MTREX: variants seen among roughly 807,000 people sequenced by gnomAD.
MTREX encodes the protein exosome RNA helicase MTR4.
A neutral mutation model predicts 135.4 loss-of-function variants in MTREX; 76 were observed. That is an observed-to-expected ratio of 0.56 (90% CI 0.47 to 0.68). The LOEUF (loss-of-function observed/expected upper bound fraction) is 0.68, where lower values mean the gene tolerates loss of function less well. MTREX is among the 30% of genes least tolerant of loss of function. The probability of loss-of-function intolerance (pLI) is 0.00; values close to 1 mark genes in which losing one functional copy is unlikely to be tolerated. For synonymous variants in MTREX, 404 were observed against 401.6 expected, an observed-to-expected ratio of 1.01 and a Z score of -0.07; for missense variants, 920 against 1,262.1, an observed-to-expected ratio of 0.73 and a Z score of 4.11.
At chr5:55,346,723 A>G (rs1413173867) in intron 10 of MTREX, among the ~76,000 whole-genome samples, 1 of 152,184 alleles carries the variant, frequency 6.6e-6, no homozygotes, top group African/African-American at 2.4e-5. Context: ...CTTATCAGAT[A>G]GATGATTTGC....
intron 19 of MTREX, among the ~76,000 whole-genome samples, chr5:55,396,411 A>G (rs1437115669): frequency 6.6e-6 from 1 of 152,116 alleles, no homozygotes; most frequent in African/African-American, 2.4e-5. Context: ...CTTGTTCTTA[A>G]CATATACATG....
chr5:55,364,145 G>A (rs967242428), intron 15 of MTREX, among the ~76,000 whole-genome samples: 3 of 152,150 alleles, frequency 2.0e-5, no homozygotes, highest in East Asian at 1.9e-4. Flanking sequence ...AAGAAAGAAT[G>A]ATACTTTAGG....
rs549569493 is a variant in MTREX at position 55,379,207 on chromosome 5, T to C, written c.2052+12T>C. 7.3e-5 allele frequency: 109 copies of C among 1,489,712 alleles called. No homozygotes were observed. The highest frequency in any genetic ancestry group is 9.3e-5 in the Non-Finnish European group (100 of 1,071,796). 92.3% of individuals were successfully genotyped at this position (1,489,712 alleles called of 1,614,324 possible). A position where few individuals can be genotyped will look rare whatever the true frequency, so the allele number is the denominator to read the frequency against. ...AGTCAAATGTTAAGGTAAACTATTA[T>C]CTTTAAATTAGAATTGTATATCAAT... On this transcript the variant is annotated intron_variant, in intron 18 of 26. Coordinates refer to ENST00000230640, the MANE Select transcript of MTREX (RefSeq NM_015360.5).
chr5:55,362,697 G>A (rs1008047094), intron 15 of MTREX, among the ~76,000 whole-genome samples: 45 of 152,108 alleles, frequency 3.0e-4, no homozygotes, highest in African/African-American at 1.1e-3. Context: ...TTGATTACTT[G>A]ATATGAGCTA....
At chr5:55,396,335 C>A (rs971291335) in intron 19 of MTREX, among the ~76,000 whole-genome samples, 2 of 152,136 alleles carry the variant, frequency 1.3e-5, no homozygotes, top group African/African-American at 4.8e-5. Context: ...GTGGGGAAAT[C>A]TGAATAGGGA....
chr5:55,327,876 G>A (rs745570814), intron 4 of MTREX, 98 bp downstream of exon 4: 1 of 845,552 alleles, frequency 1.2e-6, no homozygotes, highest in South Asian at 1.6e-5. Context: ...CCCACAACAT[G>A]TATATGTATG....
chr5:55,425,057 G>T lies in MTREX; in HGVS notation c.*285G>T. The T allele has an allele frequency of 9.3e-7, 1 of 1,074,222 alleles. No individual in the cohort carries two copies. The allele number at this position is 1,074,222 out of a possible 1,614,324, so 66.5% of individuals were successfully genotyped here. A position where few individuals can be genotyped will look rare whatever the true frequency, so the allele number is the denominator to read the frequency against. On this transcript the variant is annotated 3_prime_UTR_variant, in exon 27 of 27. Transcript: ENST00000230640. ...TAACCACTGAGTTAAAGGTAACTATGTACACACAAAGTGTGCATCCAAGAG... is the reference window on the plus strand; with the variant it reads ...TAACCACTGAGTTAAAGGTAACTATTTACACACAAAGTGTGCATCCAAGAG...
Position 55,425,118 on chromosome 5 carries a change from A to T in MTREX, c.*346A>T. The T allele has an allele frequency of 6.7e-7, 1 of 1,486,340 alleles. No homozygotes were observed. The highest frequency in any genetic ancestry group is 9.1e-7 in the Non-Finnish European group (1 of 1,101,756). 92.1% of individuals were successfully genotyped at this position (1,486,340 alleles called of 1,614,324 possible). On this transcript the variant is annotated 3_prime_UTR_variant, in exon 27 of 27. Transcript: ENST00000230640. Reference sequence around the variant, plus strand: ...AGCAGAAGTCTTTAAAGGCTTGTACACCAGGAAGAAAGATGCATCCTCTTG... The same window carrying T: ...AGCAGAAGTCTTTAAAGGCTTGTACTCCAGGAAGAAAGATGCATCCTCTTG...
At chr5:55,327,657 AATAC>A in intron 3 of MTREX, 55 bp from the exon 4 acceptor site, 1 of 1,294,288 alleles carries the variant, frequency 7.7e-7, no homozygotes, top group Middle Eastern at 1.9e-4. Flanking sequence ...TGGAATGCTA[AATAC>A]ATCAGTTCTC....
chr5:55,392,334 A>G (rs1485926920), intron 19 of MTREX, among the ~76,000 whole-genome samples: 1 of 152,122 alleles, frequency 6.6e-6, no homozygotes, highest in Non-Finnish European at 1.5e-5. Flanking sequence ...ACTTGAGGTC[A>G]GGAGTTCGAG....
Position 55,424,699 on chromosome 5 carries a change from C to CCTTA in MTREX, c.3077-17_3077-14dup, listed in dbSNP as rs1561216365. ...TGTTTTGTGGTCTTGAAAGTTTAAA[C>CCTTA]CTTACTTTCTTTTCTCTTAGGAATC... On this transcript the variant is annotated intron_variant, in intron 26 of 26. Transcript: ENST00000230640. 4 of 1,593,860 alleles carry CCTTA rather than the reference C, an allele frequency of 2.5e-6. No individual in the cohort carries two copies. In the South Asian group the frequency reaches 4.4e-5, roughly 18 times the overall value.
chr5:55,361,502 AT>A (rs1033874531), intron 15 of MTREX, among the ~76,000 whole-genome samples: 1 of 152,082 alleles, frequency 6.6e-6, no homozygotes, highest in Non-Finnish European at 1.5e-5. Context: ...TATTTTAATA[AT>A]TTTTTTCCTT....
chr5:55,351,772 A>G (rs10071980), intron 13 of MTREX, among the ~76,000 whole-genome samples: 21,244 of 152,046 alleles, frequency 0.14, 1,865 homozygotes, highest in East Asian at 0.26. Flanking sequence ...TGATATTTAT[A>G]CCAAGAAATG....
chr5:55,371,179 A>G (rs1561200178), intron 16 of MTREX, among the ~76,000 whole-genome samples: 1 of 152,198 alleles, frequency 6.6e-6, no homozygotes, highest in Non-Finnish European at 1.5e-5. Context: ...TTGTTTATGA[A>G]GTTGGGATAA....
chr5:55,419,470 T>G (rs1751021367), intron 25 of MTREX, among the ~76,000 whole-genome samples: 1 of 152,184 alleles, frequency 6.6e-6, no homozygotes, highest in African/African-American at 2.4e-5. Flanking sequence ...GTTGAGAAAT[T>G]TTGAAGACTA....
intron 8 of MTREX, among the ~76,000 whole-genome samples, chr5:55,344,266 T>C (rs554786560): frequency 2.6e-5 from 4 of 152,280 alleles, no homozygotes; most frequent in Admixed American, 2.6e-4. Context: ...GGCTAGGTAA[T>C]GGGTAGTTGA....
At chr5:55,334,492 T>C (rs1484306258) in intron 5 of MTREX, among the ~76,000 whole-genome samples, 1 of 152,098 alleles carries the variant, frequency 6.6e-6, no homozygotes, top group East Asian at 1.9e-4. Flanking sequence ...TTTATAAACC[T>C]GGTACTAGGA....
intron 15 of MTREX, among the ~76,000 whole-genome samples, chr5:55,359,405 G>T (rs1457868977): frequency 6.6e-6 from 1 of 152,150 alleles, no homozygotes; most frequent in South Asian, 2.1e-4. Flanking sequence ...TTCAAAACAT[G>T]TTAAGACACA....
intron 23 of MTREX, among the ~76,000 whole-genome samples, chr5:55,412,297 T>G (rs575733939): frequency 6.6e-6 from 1 of 152,314 alleles, no homozygotes; most frequent in African/African-American, 2.4e-5. Flanking sequence ...ATATAATAAC[T>G]TCTATTTTAA....
Sources: allele counts gnomAD v4.1 joint callset (sites outside exome capture counted in the v4.1 genomes callset), GRCh38; gene constraint gnomAD v4.1.1; transcripts MANE v1.5; gene names NCBI Gene and HGNC (gene_info 2026-07-23, HGNC 2026-07-21).